The following PIK3C2G variants were observed in gnomAD, a reference collection of about 807,000 sequenced individuals.
PIK3C2G encodes phosphatidylinositol-4-phosphate 3-kinase catalytic subunit type 2 gamma, also known as phosphatidylinositol 3-kinase C2 domain-containing subunit gamma.
In PIK3C2G, 168 loss-of-function variants were observed where a neutral mutation model predicts 181.1. That is an observed-to-expected ratio of 0.93 (90% confidence interval 0.82 to 1.05). The LOEUF (loss-of-function observed/expected upper bound fraction) is 1.05, where lower values mean the gene tolerates loss of function less well. Among genes scored for constraint, PIK3C2G ranks in the 50% least tolerant of loss-of-function variants. The probability of loss-of-function intolerance (pLI) is 0.00; values close to 1 mark genes in which losing one functional copy is unlikely to be tolerated. For synonymous variants in PIK3C2G, 573 were observed against 592.2 expected, an observed-to-expected ratio of 0.97 and a Z score of 0.47; for missense variants, 1,869 against 1,732.8, an observed-to-expected ratio of 1.08 and a Z score of -1.40.
the PIK3C2G span, chr12:18,714,598 T>C: frequency 6.6e-6 from 1 of 152,088 alleles, no homozygotes; most frequent in African/African-American, 2.4e-5. Context: ...TTAAAAAAGC[T>C]CCCTTGTCAT....
the PIK3C2G span, among the ~76,000 whole-genome samples, chr12:18,687,433 C>T: frequency 1.3e-5 from 2 of 152,104 alleles, no homozygotes; most frequent in African/African-American, 2.4e-5. Context: ...TGATCCTGAC[C>T]AGGGATCAAT....
chr12:18,574,491 G>C (rs1946131353), intron 29 of PIK3C2G, among the ~76,000 whole-genome samples: 1 of 152,240 alleles, frequency 6.6e-6, no homozygotes, highest in East Asian at 1.9e-4. Context: ...ACTGCATCTA[G>C]AATGGGCTTC....
chr12:18,380,686 C>T (rs1253003742), intron 13 of PIK3C2G, among the ~76,000 whole-genome samples: 1 of 152,160 alleles, frequency 6.6e-6, no homozygotes, highest in Non-Finnish European at 1.5e-5. Context: ...ATTCTTGAGT[C>T]ATATAAAACA....
chr12:18,677,966 T>C, the PIK3C2G span, among the ~76,000 whole-genome samples: 1 of 152,076 alleles, frequency 6.6e-6, no homozygotes, highest in African/African-American at 2.4e-5. Context: ...ATAAATGTAT[T>C]TCAATCAAGA....
At chr12:18,348,211 A>C (rs922873940) in intron 11 of PIK3C2G, among the ~76,000 whole-genome samples, 12 of 152,046 alleles carry the variant, frequency 7.9e-5, no homozygotes, top group African/African-American at 2.9e-4. Flanking sequence ...ATAAATATAT[A>C]TATAAATATA....
chr12:18,723,581 TA>T, the PIK3C2G span: 2 of 1,436,126 alleles, frequency 1.4e-6, no homozygotes, highest in Non-Finnish European at 9.8e-7. Context: ...ATTGTGAGTA[TA>T]AAAAATACAT....
At chr12:18,505,209 TAC>T in intron 23 of PIK3C2G, 81 bp from the exon 24 acceptor site, 3 of 1,175,454 alleles carry the variant, frequency 2.6e-6, no homozygotes, top group South Asian at 1.8e-5. Flanking sequence ...GCTTATCATT[TAC>T]TTTTTATGAT....
chr12:18,252,310 T>C (rs1182499170), intron 1 of PIK3C2G, among the ~76,000 whole-genome samples: 1 of 152,136 alleles, frequency 6.6e-6, no homozygotes, highest in Non-Finnish European at 1.5e-5. Flanking sequence ...CAACAGTATA[T>C]TCTCTGTCAG....
At chr12:18,428,469 G>A (rs1945964295) in intron 18 of PIK3C2G, among the ~76,000 whole-genome samples, 1 of 151,992 alleles carries the variant, frequency 6.6e-6, no homozygotes, top group Admixed American at 6.6e-5. Flanking sequence ...CACAGGTCTT[G>A]AGGTCTTCCT....
intron 11 of PIK3C2G, among the ~76,000 whole-genome samples, chr12:18,360,450 C>G (rs1708556526): frequency 1.3e-5 from 2 of 151,990 alleles, no homozygotes; most frequent in African/African-American, 4.8e-5. Flanking sequence ...ATATATTTAC[C>G]TTTACCGGTG....
chr12:18,363,147 A>T (rs961276031), intron 12 of PIK3C2G: 1 of 274,124 alleles, frequency 3.6e-6, no homozygotes, highest in Admixed American at 5.3e-5. Context: ...AAGAAGACTT[A>T]TTAATCATTC....
intron 18 of PIK3C2G, among the ~76,000 whole-genome samples, chr12:18,452,711 A>C (rs1386785309): frequency 6.6e-6 from 1 of 152,176 alleles, no homozygotes; most frequent in Non-Finnish European, 1.5e-5. Flanking sequence ...TCAGTGCTAC[A>C]AATTTCCCTC....
At chr12:18,516,968 T>C (rs577375085) in intron 24 of PIK3C2G, among the ~76,000 whole-genome samples, 70 of 151,942 alleles carry the variant, frequency 4.6e-4, no homozygotes, top group Non-Finnish European at 9.1e-4. Context: ...AACTTCAATT[T>C]TTCTGTGTCC....
upstream of PIK3C2G, among the ~76,000 whole-genome samples, chr12:18,257,615 C>A (rs907355865): frequency 3.3e-5 from 5 of 149,692 alleles, no homozygotes; most frequent in Admixed American, 2.0e-4. Context: ...ATCTTCCTTG[C>A]CAGTACACGA....
the PIK3C2G span, among the ~76,000 whole-genome samples, chr12:18,724,959 G>A: frequency 6.6e-5 from 10 of 152,160 alleles, no homozygotes; most frequent in South Asian, 4.1e-4. Flanking sequence ...TTGGTCATCC[G>A]AAATGTTCTC....
chr12:18,623,572 A>G (rs1948961627), intron 31 of PIK3C2G, among the ~76,000 whole-genome samples: 1 of 151,672 alleles, frequency 6.6e-6, no homozygotes. Flanking sequence ...TATATCTATG[A>G]GAGATGAATT....
intron 26 of PIK3C2G, among the ~76,000 whole-genome samples, chr12:18,559,845 GAGAGAGAGAGAGAGAGAGAGAC>G (rs1351557439): frequency 2.4e-4 from 32 of 134,978 alleles, no homozygotes; most frequent in African/African-American, 8.4e-4. Flanking sequence ...GAGAGAGAGA[GAGAGAGAGAGAGAGAGAGAGAC>G]AGTTTTGCTC....
intron 31 of PIK3C2G, among the ~76,000 whole-genome samples, chr12:18,623,873 A>T (rs1948976872): frequency 6.6e-6 from 1 of 151,790 alleles, no homozygotes; most frequent in African/African-American, 2.4e-5. Context: ...TGATTTTTAC[A>T]TGTTGATTTT....
In PIK3C2G at chr12:18,270,546, C is replaced by A. The variant is rs562671786; in HGVS notation, c.-79+8969C>A. ...GTCTTAGTTCCCAAGTGAGGTAAAACTTATCAGTTAAACCAGTCCCAATGT... is the reference window on the plus strand; with the variant it reads ...GTCTTAGTTCCCAAGTGAGGTAAAAATTATCAGTTAAACCAGTCCCAATGT... On this transcript the variant is annotated intron_variant, in intron 1 of 32. Coordinates refer to ENST00000538779, the MANE Select transcript of PIK3C2G (RefSeq NM_001288772.2). 3.2e-3 allele frequency among the ~76,000 whole-genome samples: 489 copies of A among 152,224 alleles called. 4 individuals are homozygous for A. The highest frequency in any genetic ancestry group is 0.01 in the African/African-American group (434 of 41,542).
Sources: allele counts gnomAD v4.1 joint callset (sites outside exome capture counted in the v4.1 genomes callset), GRCh38; gene constraint gnomAD v4.1.1; transcripts MANE v1.5; gene names NCBI Gene and HGNC (gene_info 2026-07-23, HGNC 2026-07-21).